The following SEM1 variants were observed in gnomAD, a reference collection of about 807,000 sequenced individuals.
The protein encoded by SEM1 is SEM1 26S proteasome subunit.
In SEM1, 3 loss-of-function variants were observed where a neutral mutation model predicts 12.7. The ratio of observed to expected loss-of-function variants is 0.24; its 90% CI spans 0.11 to 0.61. SEM1 has a LOEUF of 0.61. Ranked by LOEUF, SEM1 falls within the 20% of genes least tolerant of loss-of-function variation. SEM1 has a pLI of 0.88. For missense variants in SEM1, 59 were observed against 81.3 expected (o/e 0.73, Z 1.06); for synonymous variants, 30 against 27.8 (o/e 1.08, Z -0.25).
intron 1 of SEM1, among the ~76,000 whole-genome samples, chr7:96,698,879 C>T (rs1257885020): frequency 1.3e-5 from 2 of 152,206 alleles, no homozygotes; most frequent in Non-Finnish European, 2.9e-5. Context: ...TACACTCCCA[C>T]CAACAGTGTA....
intron 2 of SEM1, among the ~76,000 whole-genome samples, chr7:96,570,588 CT>C (rs1805991256): frequency 6.6e-6 from 1 of 152,158 alleles, no homozygotes; most frequent in Non-Finnish European, 1.5e-5. Context: ...TTTATCCAGT[CT>C]ATCGTTGATG....
chr7:96,567,704 T>C (rs1248066882), intron 2 of SEM1, among the ~76,000 whole-genome samples: 1 of 151,558 alleles, frequency 6.6e-6, no homozygotes, highest in Non-Finnish European at 1.5e-5. Flanking sequence ...AAACCAACAA[T>C]GGATTTTGAA....
intron 2 of SEM1, among the ~76,000 whole-genome samples, chr7:96,623,760 G>T (rs1379262483): frequency 6.6e-6 from 1 of 151,930 alleles, no homozygotes; most frequent in Non-Finnish European, 1.5e-5. Flanking sequence ...CTACAAACTT[G>T]GTGGCTTAAA....
At chr7:96,616,189 A>T (rs73392857) in intron 2 of SEM1, among the ~76,000 whole-genome samples, 1,718 of 152,136 alleles carry the variant, frequency 0.011, 22 homozygotes, top group African/African-American at 0.039. Flanking sequence ...TTTTCTTCAC[A>T]TCCTTGCCAA....
intron 2 of SEM1, among the ~76,000 whole-genome samples, chr7:96,590,263 T>A (rs1402792415): frequency 1.3e-5 from 2 of 152,174 alleles, no homozygotes; most frequent in Non-Finnish European, 2.9e-5. Context: ...GAAATTTTTG[T>A]TAGTATAATT....
intron 2 of SEM1, among the ~76,000 whole-genome samples, chr7:96,658,907 C>T (rs1158351196): frequency 1.3e-5 from 2 of 152,034 alleles, no homozygotes; most frequent in African/African-American, 4.8e-5. Flanking sequence ...ATGCTTTCTG[C>T]CCACTGAACC....
downstream of SEM1, among the ~76,000 whole-genome samples, chr7:96,670,349 A>C (rs1789283428): frequency 6.6e-6 from 1 of 152,154 alleles, no homozygotes; most frequent in Non-Finnish European, 1.5e-5. Context: ...GAAAAACATA[A>C]ATTATGATGT....
At chr7:96,686,787 T>C (rs1272033854), downstream of SEM1, among the ~76,000 whole-genome samples, 3 of 151,992 alleles carry the variant, frequency 2.0e-5, no homozygotes, top group Admixed American at 6.6e-5. Flanking sequence ...AATTGACAAA[T>C]GGGATCTAAT....
At chr7:96,594,938 A>G (rs568811464) in intron 2 of SEM1, among the ~76,000 whole-genome samples, 1 of 152,196 alleles carries the variant, frequency 6.6e-6, no homozygotes, top group Non-Finnish European at 1.5e-5. Context: ...TAAGAAAGAT[A>G]TATTTCACTG....
intron 2 of SEM1, among the ~76,000 whole-genome samples, chr7:96,558,761 T>C (rs1805607414): frequency 6.6e-6 from 1 of 152,186 alleles, no homozygotes; most frequent in Non-Finnish European, 1.5e-5. Flanking sequence ...CAGACCATGA[T>C]CTGCATGGCA....
chr7:96,708,402 G>A (rs1313635883), intron 1 of SEM1, among the ~76,000 whole-genome samples: 2 of 152,196 alleles, frequency 1.3e-5, no homozygotes, highest in African/African-American at 4.8e-5. Context: ...TAGAACAAAT[G>A]TTCCAGCTAT....
intron 2 of SEM1, among the ~76,000 whole-genome samples, chr7:96,666,111 A>G (rs1244822086): frequency 6.6e-6 from 1 of 152,234 alleles, no homozygotes; most frequent in Non-Finnish European, 1.5e-5. Context: ...TTCCCACTCT[A>G]GAGCCATTAC....
intron 2 of SEM1, among the ~76,000 whole-genome samples, chr7:96,615,239 ATCTTTT>A (rs1226759478): frequency 0.055 from 5,387 of 98,034 alleles, 480 homozygotes; most frequent in South Asian, 0.12. Context: ...TTTTTGAGTC[ATCTTTT>A]TTTTTTTTTT....
chr7:96,535,122 A>C (rs1804748626), intron 2 of SEM1, among the ~76,000 whole-genome samples: 1 of 151,926 alleles, frequency 6.6e-6, no homozygotes, highest in Admixed American at 6.6e-5. Flanking sequence ...CTGCACACAA[A>C]TGTTTTGTAT....
At chr7:96,644,888 G>C (rs184254296) in intron 2 of SEM1, among the ~76,000 whole-genome samples, 2 of 152,086 alleles carry the variant, frequency 1.3e-5, no homozygotes, top group African/African-American at 4.8e-5. Context: ...CAGGTGCATG[G>C]TGAACCTGCT....
At chr7:96,561,006 T>C (rs891806845) in intron 2 of SEM1, among the ~76,000 whole-genome samples, 4 of 152,140 alleles carry the variant, frequency 2.6e-5, no homozygotes, top group African/African-American at 9.7e-5. Context: ...AGCCTCAAAC[T>C]TCTGGGCTCA....
downstream of SEM1, among the ~76,000 whole-genome samples, chr7:96,684,026 T>TA (rs958626553): frequency 6.6e-6 from 1 of 151,772 alleles, no homozygotes; most frequent in Non-Finnish European, 1.5e-5. Context: ...AAAGTATAAT[T>TA]AAAAAAAATT....
intron 2 of SEM1, among the ~76,000 whole-genome samples, chr7:96,677,141 T>C (rs557087101): frequency 2.6e-5 from 4 of 152,286 alleles, no homozygotes; most frequent in African/African-American, 4.8e-5. Context: ...AATGGTACTT[T>C]AGCAGATCAA....
At chr7:96,488,143 C>T (rs918341215) in intron 1 of SEM1, among the ~76,000 whole-genome samples, 2 of 152,050 alleles carry the variant, frequency 1.3e-5, no homozygotes, top group African/African-American at 4.8e-5. Flanking sequence ...TCTTCTTAAT[C>T]CACAAGACCA....
Sources: allele counts gnomAD v4.1 joint callset (sites outside exome capture counted in the v4.1 genomes callset), GRCh38; gene constraint gnomAD v4.1.1; transcripts MANE v1.5; gene names NCBI Gene and HGNC (gene_info 2026-07-23, HGNC 2026-07-21).